The following IRAK2 variants were observed in gnomAD, a reference collection of about 807,000 sequenced individuals.
IRAK2 encodes the protein interleukin-1 receptor-associated kinase-like 2.
In IRAK2, 57 loss-of-function variants were observed where a neutral mutation model predicts 72.0. The ratio of observed to expected loss-of-function variants is 0.79; its 90% CI spans 0.64 to 0.99. IRAK2 has a LOEUF of 0.99. Among genes scored for constraint, IRAK2 ranks in the 50% least tolerant of loss-of-function variants. IRAK2 has a pLI of 0.00. For missense variants in IRAK2, 790 were observed against 794.4 expected (o/e 0.99, Z 0.07); for synonymous variants, 293 against 312.7 (o/e 0.94, Z 0.67).
intron 2 of IRAK2, among the ~76,000 whole-genome samples, chr3:10,186,298 G>C (rs919523474): frequency 6.6e-6 from 1 of 151,700 alleles, no homozygotes; most frequent in Non-Finnish European, 1.5e-5. Context: ...GCTTTTATCA[G>C]ATTCAGCTGT....
chr3:10,179,392 C>A (rs891807647), intron 2 of IRAK2, among the ~76,000 whole-genome samples: 1 of 151,456 alleles, frequency 6.6e-6, no homozygotes, highest in Non-Finnish European at 1.5e-5. Context: ...CTGCCTCAGC[C>A]TCCCAAGTAG....
At chr3:10,230,918 A>G (rs142403763) in intron 10 of IRAK2, among the ~76,000 whole-genome samples, 74 of 151,724 alleles carry the variant, frequency 4.9e-4, no homozygotes, top group Admixed American at 2.0e-3. Flanking sequence ...ATGCCCAGCT[A>G]ATTTTTGTAT....
chr3:10,165,613 G>A (rs868334710), intron 1 of IRAK2, among the ~76,000 whole-genome samples: 9 of 151,262 alleles, frequency 5.9e-5, no homozygotes, highest in East Asian at 1.9e-4. Context: ...TTCCTGCCTC[G>A]GCCTCCCGAG....
At chr3:10,212,342 T>G (rs1044590099) in intron 4 of IRAK2, among the ~76,000 whole-genome samples, 1 of 145,408 alleles carries the variant, frequency 6.9e-6, no homozygotes. Context: ...TTAGTATTAG[T>G]GTATTTTATG....
At chr3:10,226,235 A>AT (rs752775661) in intron 9 of IRAK2, 136 bp from the exon 10 acceptor site, 27 of 585,780 alleles carry the variant, frequency 4.6e-5, no homozygotes, top group Non-Finnish European at 8.0e-5. Flanking sequence ...CATGTTCCAG[A>AT]TTTTGGGCAG....
chr3:10,183,590 G>A (rs1045684298), intron 2 of IRAK2, among the ~76,000 whole-genome samples: 6 of 152,080 alleles, frequency 3.9e-5, no homozygotes, highest in Non-Finnish European at 7.4e-5. Flanking sequence ...GCGTGGTTGC[G>A]GGTGCCTGTA....
rs555224941 is a variant in IRAK2 at position 10,183,388 on chromosome 3, C to T, written c.277+5368C>T. Among the ~76,000 whole-genome samples the T allele has an allele frequency of 2.7e-3, 413 of 152,220 alleles. 1 individual carries two copies. The highest frequency in any genetic ancestry group is 8.7e-3 in the African/African-American group (362 of 41,536). ...TTTCCTCAGCCTTAGTTGCCAAGGC[C>T]GTAGTTATTTAATTTGTCAAACACT... On this transcript the variant is annotated intron_variant, in intron 2 of 12. Transcript: ENST00000256458.
intron 11 of IRAK2, among the ~76,000 whole-genome samples, chr3:10,237,929 CTGTGTGTG>C (rs138639711): frequency 7.9e-4 from 109 of 138,326 alleles, no homozygotes; most frequent in African/African-American, 2.2e-3. Context: ...TATGTGTGCT[CTGTGTGTG>C]TGTGTGTGTG....
rs1697614678 is a variant in IRAK2, at chr3:10,216,976, T to G, written c.831T>G (p.Ala277=). The G allele has an allele frequency of 6.2e-7, 1 of 1,614,084 alleles. No homozygotes were observed. Among genetic ancestry groups the G allele is most frequent in the African/African-American group, 1.3e-5 (1 of 74,926 alleles). The change falls in exon 7 of 13, where the codon GCT becomes GCG. Residue 277 remains alanine (A), a synonymous_variant. Coordinates refer to ENST00000256458, the MANE Select transcript of IRAK2 (RefSeq NM_001570.4). ...PNVLPVLGFC[A]ARQFHSFIYP... Reference sequence around the variant, plus strand: ...TCTTACCTGTGCTGGGCTTCTGTGCTGCAAGACAGTTTCACAGCTTCATCT... The same window carrying G: ...TCTTACCTGTGCTGGGCTTCTGTGCGGCAAGACAGTTTCACAGCTTCATCT...
Position 10,177,910 on chromosome 3 carries a change from T to C in IRAK2, c.167T>C (p.Ile56Thr). ...ATGGAGCGGGTGCAGGGTGTGAGCA[T>C]CACGCGGGAGCTGCTGTGGTGGTGG... Reference protein sequence around the residue: ...KSMERVQGVSITRELLWWWGM... With the variant: ...KSMERVQGVSTTRELLWWWGM... The change falls in exon 2 of 13, where the codon ATC becomes ACC. Residue 56 changes from isoleucine (I) to threonine (T), a missense_variant. By Grantham distance (89) the Ile-to-Thr change is moderately conservative (BLOSUM62 -1). Coordinates refer to ENST00000256458, the MANE Select transcript of IRAK2 (RefSeq NM_001570.4). The C allele has an allele frequency of 6.2e-7, 1 of 1,613,918 alleles. No homozygotes were observed. The highest frequency in any genetic ancestry group is 1.1e-5 in the South Asian group (1 of 91,086).
chr3:10,180,435 A>T (rs974402836), intron 2 of IRAK2, among the ~76,000 whole-genome samples: 1 of 152,112 alleles, frequency 6.6e-6, no homozygotes, highest in Non-Finnish European at 1.5e-5. Context: ...CTCCTAGGAC[A>T]GGGGGTCAAG....
Position 10,177,976 on chromosome 3 carries a change from T to C in IRAK2, c.233T>C (p.Leu78Pro), listed in dbSNP as rs201631190. The change falls in exon 2 of 13, where the codon CTG (leucine) becomes CCG (proline). Residue 78 changes from leucine to proline, a missense_variant. Coordinates refer to ENST00000256458, the MANE Select transcript of IRAK2 (RefSeq NM_001570.4). ...ACCGTCCAGCAACTTGTGGACCTCC[T>C]GTGCCGCCTGGAGCTCTACCGGGCT... ...QATVQQLVDL[L>P]CRLELYRAAQ... The C allele has an allele frequency of 1.1e-5, 18 of 1,613,530 alleles. No individual in the cohort carries two copies. In the East Asian group the frequency reaches 4.0e-4, roughly 36 times the overall value.
chr3:10,203,987 G>A (rs1267078815), intron 3 of IRAK2, among the ~76,000 whole-genome samples: 1 of 152,194 alleles, frequency 6.6e-6, no homozygotes, highest in Non-Finnish European at 1.5e-5. Flanking sequence ...AAGCAGTCTC[G>A]AAGCTAGAAT....
At chr3:10,166,061 C>T (rs1696684346) in intron 1 of IRAK2, among the ~76,000 whole-genome samples, 1 of 152,176 alleles carries the variant, frequency 6.6e-6, no homozygotes, top group Non-Finnish European at 1.5e-5. Flanking sequence ...GATCCACCTG[C>T]TTCGGCCTCC....
chr3:10,212,502 G>A (rs573743637), intron 4 of IRAK2, among the ~76,000 whole-genome samples: 37 of 152,114 alleles, frequency 2.4e-4, no homozygotes, highest in East Asian at 1.2e-3. Flanking sequence ...TGCTGAGCTC[G>A]GCCACTGACC....
intron 2 of IRAK2, among the ~76,000 whole-genome samples, chr3:10,183,580 G>A (rs1198616681): frequency 1.3e-5 from 2 of 152,094 alleles, no homozygotes; most frequent in African/African-American, 2.4e-5. Flanking sequence ...AATTAGCCTG[G>A]CGTGGTTGCG....
intron 11 of IRAK2, among the ~76,000 whole-genome samples, chr3:10,237,978 A>G (rs1032549489): frequency 1.4e-5 from 2 of 141,276 alleles, no homozygotes; most frequent in African/African-American, 2.6e-5. Context: ...AAGAAGAAAC[A>G]TTCCTTCCTT....
rs35060588 is a variant in IRAK2, at chr3:10,213,318, C to T, written c.640C>T (p.Arg214Cys). 1.5e-5 allele frequency: 24 copies of T among 1,613,922 alleles called. No individual in the cohort carries two copies. The highest frequency in any genetic ancestry group is 4.5e-5 in the East Asian group (2 of 44,890). The change falls in exon 5 of 13, where the codon CGC becomes TGC. Residue 214 changes from arginine (R) to cysteine (C), a missense_variant. Transcript: ENST00000256458. ...VQATDDFNQNRKISQGTFADV... is the reference protein window; with the variant it reads ...VQATDDFNQNCKISQGTFADV... ...GGCAACCGATGACTTCAATCAAAAC[C>T]GCAAAATCAGCCAGGGGACCTTTGC...
chr3:10,187,720 A>G (rs999712733), intron 2 of IRAK2, among the ~76,000 whole-genome samples: 15 of 152,166 alleles, frequency 9.9e-5, no homozygotes, highest in South Asian at 2.1e-4. Flanking sequence ...TCCCATTCAT[A>G]TTTGACCATG....
Sources: allele counts gnomAD v4.1 joint callset (sites outside exome capture counted in the v4.1 genomes callset), GRCh38; gene constraint gnomAD v4.1.1; transcripts MANE v1.5; gene names NCBI Gene and HGNC (gene_info 2026-07-23, HGNC 2026-07-21).